The following TTN variants were observed in gnomAD, a reference collection of about 807,000 sequenced individuals.
TTN encodes the protein titin, also known as connectin.
TTN carries 1,525 observed loss-of-function variants against 3,223.0 expected under a neutral mutation model. The ratio of observed to expected loss-of-function variants is 0.47; its 90% CI spans 0.45 to 0.49. TTN has a LOEUF of 0.49. Among genes scored for constraint, TTN ranks in the 20% least tolerant of loss-of-function variants. TTN has a pLI of 0.00. For synonymous variants in TTN, 14,094 were observed against 15,161.0 expected (o/e 0.93, Z 5.17); for missense variants, 40,786 against 43,424.0 (o/e 0.94, Z 5.40).
At chr2:178,779,594 T>C in intron 22 of TTN, 132 bp from the exon 23 acceptor site, 2 of 652,272 alleles carry the variant, frequency 3.1e-6, no homozygotes, top group East Asian at 2.8e-5. Flanking sequence ...TTGGTTTGTT[T>C]GTTTTAATCT....
At chr2:178,624,440 A>G in intron 242 of TTN, 25 bp downstream of exon 242, 1 of 1,608,900 alleles carries the variant, frequency 6.2e-7, no homozygotes. Flanking sequence ...GCAAATGAAA[A>G]GTCCTTTGTA....
intron 29 of TTN, 43 bp from the exon 30 acceptor site, chr2:178,774,516 G>T (rs1019937572): frequency 6.3e-7 from 1 of 1,589,292 alleles, no homozygotes; most frequent in African/African-American, 1.3e-5. Context: ...TTTTGGAGAG[G>T]TATGCATCTA....
chr2:178,571,708 T>C lies in TTN; in HGVS notation c.74424A>G (p.Lys24808=). 1 of 1,613,478 alleles carries C rather than the reference T, an allele frequency of 6.2e-7. No homozygotes were observed. The highest frequency in any genetic ancestry group is 2.2e-5 in the East Asian group (1 of 44,810). The change falls in exon 326 of 363, where the codon AAA becomes AAG. Residue 24808 remains lysine (K), a synonymous_variant. Transcript: ENST00000589042. ...TAACTGGTCCAGTTGGAGGCCCTGG[T>C]TTGTCAAGAACGATAACATTAAGGG... ...IETLNVIVLD[K]PGPPTGPVKM...
Position 178,614,950 on chromosome 2 carries a change from A to G in TTN, c.48657T>C (p.Leu16219=), listed in dbSNP as rs777356812. ...VAETKMEVTG[L]EEGKWYAYRV... is the part of the protein sequence containing the mutation. ...GGTAGGCATACCATTTGCCTTCCTCAAGACCTGTCACTTCCATTCTGTCAG... is the reference window on the plus strand; with the variant it reads ...GGTAGGCATACCATTTGCCTTCCTCGAGACCTGTCACTTCCATTCTGTCAG... The change falls in exon 260 of 363, where the codon CTT becomes CTC. Residue 16219 remains leucine, a synonymous_variant. Coordinates refer to ENST00000589042, the MANE Select transcript of TTN (RefSeq NM_001267550.2). 6.3e-7 allele frequency: 1 copy of G among 1,598,032 alleles called. No homozygotes were observed. Among genetic ancestry groups the G allele is most frequent in the Non-Finnish European group, 8.5e-7 (1 of 1,171,588 alleles).
At chr2:178,780,895 A>T (rs569776401) in intron 21 of TTN, among the ~76,000 whole-genome samples, 17 of 152,350 alleles carry the variant, frequency 1.1e-4, no homozygotes, top group African/African-American at 3.8e-4. Flanking sequence ...ATGCCTAGAA[A>T]CAAATACAAC....
chr2:178,789,590 G>A, intron 12 of TTN, 93 bp from the exon 13 acceptor site: 1 of 1,476,572 alleles, frequency 6.8e-7, no homozygotes, highest in Non-Finnish European at 9.3e-7. Context: ...GATGCAAGAT[G>A]GTTATTCAGG....
chr2:178,605,208 A>G lies in TTN; in HGVS notation c.53969T>C (p.Val17990Ala). 1.9e-6 allele frequency: 3 copies of G among 1,612,028 alleles called. No individual in the cohort carries two copies. Among genetic ancestry groups the G allele is most frequent in the Non-Finnish European group, 2.5e-6 (3 of 1,178,980 alleles). The change falls in exon 280 of 363, where the codon GTG becomes GCG. Residue 17990 changes from valine to alanine, a missense_variant. Transcript: ENST00000589042. ...AGEPVHIPAD[V>A]TGLPMPKIEW... The stretch of plus-strand genomic sequence containing the variant: ...AATCTTAGGCATTGGAAGGCCTGTC[A>G]CATCTGCAGGGATGTGGACAGGCTC...
chr2:178,775,217 T>TG lies in TTN; in HGVS notation c.6509-16dup, dbSNP rs1272578253. On this transcript the variant is annotated splice_polypyrimidine_tract_variant and intron_variant, in intron 28 of 362. Coordinates refer to ENST00000589042, the MANE Select transcript of TTN (RefSeq NM_001267550.2). ...CAATTGCTTGGCTACAAGAAAAAGG[T>TG]GGGGGAAAAAGGGGAGAGCACATTA... The TG allele has an allele frequency of 1.2e-6, 2 of 1,613,374 alleles. No homozygotes were observed. The highest frequency in any genetic ancestry group is 1.7e-5 in the Admixed American group (1 of 59,970).
At chr2:178,555,174 A>G in intron 330 of TTN, 22 bp from the exon 331 acceptor site, 1 of 1,586,772 alleles carries the variant, frequency 6.3e-7, no homozygotes, top group Non-Finnish European at 8.5e-7. Context: ...ACAGATGAGA[A>G]ATATTTAAAA....
intron 44 of TTN, among the ~76,000 whole-genome samples, chr2:178,758,429 G>A (rs1574407106): frequency 6.6e-6 from 1 of 152,152 alleles, no homozygotes; most frequent in East Asian, 1.9e-4. Context: ...TACTGAGGAA[G>A]TGTTTCTGAT....
At chr2:178,553,888 A>G in intron 333 of TTN, 26 bp downstream of exon 333, 1 of 1,568,388 alleles carries the variant, frequency 6.4e-7, no homozygotes, top group Non-Finnish European at 8.6e-7. Context: ...GACACAGGTG[A>G]AGATGCTGCA....
At chr2:178,593,929 A>C in intron 297 of TTN, 32 bp downstream of exon 297, 4 of 1,610,028 alleles carry the variant, frequency 2.5e-6, no homozygotes, top group Non-Finnish European at 3.4e-6. Flanking sequence ...GAAAGAACAG[A>C]AGATCTATTC....
rs2115558 is a variant in TTN at position 178,612,990 on chromosome 2, A to G, written c.49731T>C (p.His16577=). ...AAGACTCAATCTTTGCACCTCCATC[A>G]TGTTCTGGTTTTGTCCAATTCAACC... ...SVRLNWTKPE[H]DGGAKIESYV... is the part of the protein sequence containing the mutation. Residue 16577 remains histidine, a synonymous_variant, in exon 265 of 363, where the codon CAT becomes CAC. Coordinates refer to ENST00000589042, the MANE Select transcript of TTN (RefSeq NM_001267550.2). 0.023 allele frequency: 36,436 copies of G among 1,612,542 alleles called. 993 individuals carry two copies. The highest frequency in any genetic ancestry group is 0.14 in the East Asian group (6,104 of 44,610).
intron 232 of TTN, 40 bp downstream of exon 232, chr2:178,633,373 G>A: frequency 6.2e-7 from 1 of 1,613,042 alleles, no homozygotes; most frequent in Non-Finnish European, 8.5e-7. Flanking sequence ...ATAAACTGCA[G>A]ATTCAGATAG....
chr2:178,601,605 T>C, intron 286 of TTN, 41 bp from the exon 287 acceptor site: 1 of 1,585,088 alleles, frequency 6.3e-7, no homozygotes, highest in South Asian at 1.2e-5. Flanking sequence ...GTTCCTTAAA[T>C]GCTTAAAAAT....
In TTN at chr2:178,734,625, A is replaced by T. The variant is rs2081117386; in HGVS notation, c.15218-19T>A. ...GGAGGTTCTACAAAAGCATGAAAGC[A>T]TTGTGTAAGTAATGGGTAATAAGTA... On this transcript the variant is annotated intron_variant, in intron 51 of 362. Coordinates refer to ENST00000589042, the MANE Select transcript of TTN (RefSeq NM_001267550.2). The T allele has an allele frequency of 1.3e-6, 2 of 1,560,616 alleles. No homozygotes were observed. Among genetic ancestry groups the T allele is most frequent in the African/African-American group, 2.7e-5 (2 of 73,214 alleles).
rs1686680450 is a variant in TTN at position 178,527,004 on chromosome 2, A to C, written c.*8T>G. ...GAATGAGTGTAGAGTATAAGGGCAC[A>C]GGCCCTCTTAAATGGATCGAATATG... On this transcript the variant is annotated 3_prime_UTR_variant, in exon 363 of 363. Transcript: ENST00000589042. The C allele has an allele frequency of 1.9e-6, 3 of 1,603,830 alleles. No homozygotes were observed. The highest frequency in any genetic ancestry group is 2.7e-5 in the African/African-American group (2 of 74,756).
Position 178,584,590 on chromosome 2 carries a change from G to C in TTN, c.64973-12C>G, listed in dbSNP as rs918265990. 4.3e-6 allele frequency: 7 copies of C among 1,610,640 alleles called. No homozygotes were observed. Among genetic ancestry groups the C allele is most frequent in the Non-Finnish European group, 5.9e-6 (7 of 1,178,460 alleles). ...TTCACTAGGAACACCTGGAGATGAA[G>C]ACAAGGAAGATGTCAGTTTCTACAT... On this transcript the variant is annotated splice_polypyrimidine_tract_variant and intron_variant, in intron 310 of 362. Coordinates refer to ENST00000589042, the MANE Select transcript of TTN (RefSeq NM_001267550.2).
chr2:178,550,995 A>G lies in TTN; in HGVS notation c.91536T>C (p.Ser30512=). The change falls in exon 336 of 363, where the codon TCT becomes TCC. Residue 30512 remains serine, a synonymous_variant. Coordinates refer to ENST00000589042, the MANE Select transcript of TTN (RefSeq NM_001267550.2). ...TTTCATCTCTTGTCATAATAATGCC[A>G]GAAGACTGTGAGGGCGGGCTTATAG... The part of the protein sequence containing the change: ...VGTISPPSQS[S]GIIMTRDENV... 6.2e-7 allele frequency: 1 copy of G among 1,613,252 alleles called. No individual in the cohort carries two copies. Among genetic ancestry groups the G allele is most frequent in the Non-Finnish European group, 8.5e-7 (1 of 1,179,538 alleles).
Sources: allele counts gnomAD v4.1 joint callset (sites outside exome capture counted in the v4.1 genomes callset), GRCh38; gene constraint gnomAD v4.1.1; transcripts MANE v1.5; gene names NCBI Gene and HGNC (gene_info 2026-07-23, HGNC 2026-07-21).